Variants in U2SURP observed in about 807,000 individuals in gnomAD.
The protein encoded by U2SURP is U2 snRNP associated SURP domain containing.
U2SURP carries 9 observed loss-of-function variants against 144.9 expected under a neutral mutation model. The observed-to-expected ratio is 0.06, with a 90% CI of 0.04 to 0.11. The LOEUF (loss-of-function observed/expected upper bound fraction) is 0.11, where lower values mean the gene tolerates loss of function less well. Among genes scored for constraint, U2SURP ranks in the 10% least tolerant of loss-of-function variants. The pLI is 1.00. For missense variants in U2SURP, 724 were observed against 1,226.7 expected, an observed-to-expected ratio of 0.59 and a Z score of 6.12; for synonymous variants, 408 against 396.8, an observed-to-expected ratio of 1.03 and a Z score of -0.33.
Position 143,020,034 on chromosome 3 carries a change from GC to G in U2SURP, c.637del (p.Gln213LysfsTer16). The G allele has an allele frequency of 6.7e-7, 1 of 1,494,550 alleles. No individual in the cohort carries two copies. Among genetic ancestry groups the G allele is most frequent in the Non-Finnish European group, 9.0e-7 (1 of 1,110,696 alleles). The allele number at this position is 1,494,550 out of a possible 1,614,324, so 92.6% of individuals were successfully genotyped here. A position where few individuals can be genotyped will look rare whatever the true frequency, so the allele number is the denominator to read the frequency against. ...TGGAACTCTTCAAAGAAGAATTAAA[GC>G]AGTAAGTTTTATAGTGTGGAGAATA... ...NLELFKEELK[Q>X]IQEERDERHK... On this transcript the variant is annotated frameshift_variant and splice_region_variant, in exon 7 of 28. Transcript: ENST00000473835. LOFTEE classifies it high-confidence loss of function.
In U2SURP at chr3:143,021,567, TAAG is replaced by T; in HGVS notation, c.852+14_852+16del. 1 of 1,604,250 alleles carries T rather than the reference TAAG, an allele frequency of 6.2e-7. No individual in the cohort carries two copies. Among genetic ancestry groups the T allele is most frequent in the Non-Finnish European group, 8.5e-7 (1 of 1,172,630 alleles). ...ACATTAATCCACAGGTAATATTAAGTAAGATGAATGTTGATTGATATGCTTTAT... is the reference window on the plus strand; with the variant it reads ...ACATTAATCCACAGGTAATATTAAGTATGAATGTTGATTGATATGCTTTAT... On this transcript the variant is annotated intron_variant, in intron 10 of 27. Transcript: ENST00000473835.
chr3:143,042,574 A>G (rs1934174212), intron 23 of U2SURP, among the ~76,000 whole-genome samples: 1 of 152,088 alleles, frequency 6.6e-6, no homozygotes, highest in Admixed American at 6.6e-5. Context: ...ACTGTACCCA[A>G]TATATAGTCT....
chr3:143,003,985 C>T (rs907356722), intron 1 of U2SURP, among the ~76,000 whole-genome samples: 8 of 151,942 alleles, frequency 5.3e-5, no homozygotes, highest in Non-Finnish European at 1.2e-4. Context: ...CCACCGTGCC[C>T]CGCCCTGCTT....
At chr3:143,027,078 A>G (rs1933197705) in intron 13 of U2SURP, 71 bp from the exon 14 acceptor site, 2 of 1,169,426 alleles carry the variant, frequency 1.7e-6, no homozygotes, top group East Asian at 2.4e-5. Flanking sequence ...AATTATAGTA[A>G]CTTAGGTCAA....
At chr3:143,011,927 C>T (rs1193376315) in intron 2 of U2SURP, 2 of 515,842 alleles carry the variant, frequency 3.9e-6, no homozygotes, top group Non-Finnish European at 7.5e-6. Context: ...TATGGTGAAT[C>T]AGACTTGGGG....
At chr3:143,005,690 T>G (rs1935796588) in intron 1 of U2SURP, among the ~76,000 whole-genome samples, 1 of 152,144 alleles carries the variant, frequency 6.6e-6, no homozygotes. Context: ...GAAAGTCCAG[T>G]TTTTATTTTC....
At position 143,028,197 on chromosome 3, in the gene U2SURP, T is replaced by C. The variant is rs532145141; in HGVS notation, c.1380-143T>C. ...AATGGGGATAGGTAGCGGGTGGTAG[T>C]GGGTGAGATTCTCTTCAGGGATCTT... On this transcript the variant is annotated intron_variant, in intron 14 of 27. Transcript: ENST00000473835. 161 of 931,260 alleles carry C rather than the reference T, an allele frequency of 1.7e-4. No individual in the cohort carries two copies. In the African/African-American group the frequency reaches 2.3e-3, roughly 13 times the overall value. 57.7% of individuals were successfully genotyped at this position (931,260 alleles called of 1,614,324 possible). A position where few individuals can be genotyped will look rare whatever the true frequency, so the allele number is the denominator to read the frequency against.
chr3:143,010,081 T>C lies in U2SURP; in HGVS notation c.46-734T>C, dbSNP rs150170053. Among the ~76,000 whole-genome samples, 338 of 152,348 alleles carry C rather than the reference T, an allele frequency of 2.2e-3. 1 individual carries two copies. The highest frequency in any genetic ancestry group is 4.1e-3 in the Non-Finnish European group (278 of 68,026). Reference sequence around the variant, plus strand: ...GAATCTTTCTTTCAGAAAGATAGCATACATTATTTAGTTAATCGTCCTACA... The same window carrying C: ...GAATCTTTCTTTCAGAAAGATAGCACACATTATTTAGTTAATCGTCCTACA... On this transcript the variant is annotated intron_variant, in intron 1 of 27. Transcript: ENST00000473835.
rs1281340898 is a variant in U2SURP at position 143,047,662 on chromosome 3, C to A, written c.2545-3277C>A. On this transcript the variant is annotated intron_variant, in intron 24 of 27. Coordinates refer to ENST00000473835, the MANE Select transcript of U2SURP (RefSeq NM_001080415.2). Reference sequence around the variant, plus strand: ...CCCGCCTCCCGGACGGGGCGGCTGGCCGGGCAGAGGGGCTCCTCACTTCCC... The same window carrying A: ...CCCGCCTCCCGGACGGGGCGGCTGGACGGGCAGAGGGGCTCCTCACTTCCC... Among the ~76,000 whole-genome samples the A allele has an allele frequency of 1.5e-4, 8 of 52,964 alleles. 1 individual carries two copies. Among genetic ancestry groups the A allele is most frequent in the Non-Finnish European group, 2.7e-4 (8 of 29,178 alleles). 34.7% of individuals were successfully genotyped at this position (52,964 alleles called of 152,430 possible).
intron 10 of U2SURP, 66 bp downstream of exon 10, chr3:143,021,621 CAAAA>C (rs570535652): frequency 7.0e-7 from 1 of 1,428,496 alleles, no homozygotes; most frequent in East Asian, 2.4e-5. Flanking sequence ...CTTTGTTAGT[CAAAA>C]AAAATCAAGA....
intron 7 of U2SURP, among the ~76,000 whole-genome samples, chr3:143,020,265 A>T (rs758127545): frequency 2.0e-5 from 3 of 152,220 alleles, no homozygotes; most frequent in Non-Finnish European, 4.4e-5. Flanking sequence ...GATTTACTTA[A>T]TGTCCAGAGT....
At chr3:143,010,959 T>A in intron 2 of U2SURP, 100 bp downstream of exon 2, 1 of 872,220 alleles carries the variant, frequency 1.1e-6, no homozygotes, top group East Asian at 2.7e-5. Flanking sequence ...ATAAATACAA[T>A]TGTATGTGCT....
intron 20 of U2SURP, 29 bp downstream of exon 20, chr3:143,036,133 T>C (rs1933797028): frequency 6.4e-7 from 1 of 1,565,788 alleles, no homozygotes; most frequent in East Asian, 2.3e-5. Flanking sequence ...TCTGGTTGTT[T>C]TTAAAATTCG....
intron 1 of U2SURP, among the ~76,000 whole-genome samples, chr3:143,005,903 A>C (rs961523231): frequency 3.2e-4 from 49 of 152,114 alleles, no homozygotes; most frequent in African/African-American, 1.2e-3. Flanking sequence ...AGATATTAAA[A>C]TCAAAAATAG....
At chr3:143,009,905 A>G (rs549812196) in intron 1 of U2SURP, among the ~76,000 whole-genome samples, 4 of 152,298 alleles carry the variant, frequency 2.6e-5, no homozygotes, top group African/African-American at 9.6e-5. Flanking sequence ...CAGGTGAGAT[A>G]TTTGTGATCT....
chr3:143,039,472 A>T (rs1933983127), intron 23 of U2SURP, among the ~76,000 whole-genome samples: 1 of 151,914 alleles, frequency 6.6e-6, no homozygotes, highest in South Asian at 2.1e-4. Flanking sequence ...TAATCACCCC[A>T]AAATTGTTTT....
At chr3:143,005,968 G>A (rs1454807900) in intron 1 of U2SURP, among the ~76,000 whole-genome samples, 1 of 152,114 alleles carries the variant, frequency 6.6e-6, no homozygotes, top group Non-Finnish European at 1.5e-5. Flanking sequence ...ACATTTTATT[G>A]CACATCAGCT....
chr3:143,060,312 A>G lies in U2SURP; in HGVS notation c.*3862A>G, dbSNP rs1279948199. 6.6e-6 allele frequency: 1 copy of G among 152,100 alleles called. No homozygotes were observed. Among genetic ancestry groups the G allele is most frequent in the Non-Finnish European group, 1.5e-5 (1 of 67,896 alleles). The allele number at this position is 152,100 out of a possible 1,614,324, so 9.4% of individuals were successfully genotyped here. ...CAGAAATGAGAATAATATAGTTGAA[A>G]TCAGTTGGGCTAAAATATTCTACAG... On this transcript the variant is annotated 3_prime_UTR_variant, in exon 28 of 28. Coordinates refer to ENST00000473835, the MANE Select transcript of U2SURP (RefSeq NM_001080415.2).
Position 143,010,997 on chromosome 3 carries a change from C to T in U2SURP, c.90+138C>T, listed in dbSNP as rs1252280368. The T allele has an allele frequency of 7.4e-5, 43 of 582,782 alleles. No individual in the cohort carries two copies. The East Asian group carries it at 7.7e-4, about 11-fold the overall frequency. 36.1% of individuals were successfully genotyped at this position (582,782 alleles called of 1,614,324 possible). A position where few individuals can be genotyped will look rare whatever the true frequency, so the allele number is the denominator to read the frequency against. On this transcript the variant is annotated intron_variant, in intron 2 of 27. Coordinates refer to ENST00000473835, the MANE Select transcript of U2SURP (RefSeq NM_001080415.2). ...TTTCTTTTACTCTTTTTTTTCTAGG[C>T]GCCTTCCTTTTTTTTTTTTATGTTC...
Sources: allele counts gnomAD v4.1 joint callset (sites outside exome capture counted in the v4.1 genomes callset), GRCh38; gene constraint gnomAD v4.1.1; transcripts MANE v1.5; gene names NCBI Gene and HGNC (gene_info 2026-07-23, HGNC 2026-07-21).